Variants in NARF observed in about 807,000 individuals in gnomAD.
The protein encoded by NARF is nuclear prelamin A recognition factor.
In NARF, 41 loss-of-function variants were observed where a neutral mutation model predicts 48.0. The ratio of observed to expected loss-of-function variants is 0.85; its 90% confidence interval spans 0.66 to 1.11. NARF has a LOEUF of 1.11. NARF is among the 50% of genes least tolerant of loss of function. The probability of loss-of-function intolerance (pLI) is 0.00; values close to 1 mark genes in which losing one functional copy is unlikely to be tolerated. For missense variants in NARF, 613 were observed against 590.2 expected (o/e 1.04, Z -0.40); for synonymous variants, 215 against 225.5 (o/e 0.95, Z 0.42).
In NARF at chr17:82,466,982, C is replaced by T. The variant is rs185854228; in HGVS notation, c.253-1782C>T. 7.0e-3 allele frequency among the ~76,000 whole-genome samples: 1,061 copies of T among 151,818 alleles called. 6 individuals are homozygous for T. The highest frequency in any genetic ancestry group is 0.01 in the Non-Finnish European group (696 of 67,946). ...TGCTGGGATTACGGGCATAAGCCAC[C>T]GTACCTGGCCTTCTTTTTTTTTTTT... On this transcript the variant is annotated intron_variant, in intron 3 of 10. Coordinates refer to ENST00000309794, the MANE Select transcript of NARF (RefSeq NM_012336.4).
chr17:82,484,655 C>G, intron 8 of NARF, 158 bp from the exon 9 acceptor site: 1 of 873,626 alleles, frequency 1.1e-6, no homozygotes, highest in Non-Finnish European at 1.6e-6. Context: ...CCTCAAGATG[C>G]TAGAATGGGA....
Position 82,488,234 on chromosome 17 carries a change from T to C in NARF, c.*77T>C, listed in dbSNP as rs1030268153. On this transcript the variant is annotated 3_prime_UTR_variant, in exon 11 of 11. Transcript: ENST00000309794. ...CAGTAGAGGGAGGGGCTGCCCTGAG[T>C]GGAGTATTAAAGACACTTAAGAAAA... is the stretch of plus-strand genomic sequence containing the variant. 17 of 1,554,002 alleles carry C rather than the reference T, an allele frequency of 1.1e-5. No homozygotes were observed. The highest frequency in any genetic ancestry group is 2.7e-5 in the African/African-American group (2 of 73,160).
chr17:82,458,453 G>A (rs999711854), upstream of NARF: 4 of 260,154 alleles, frequency 1.5e-5, no homozygotes, highest in Non-Finnish European at 2.9e-5. Context: ...CGCCGCCGCC[G>A]CCGCAGGACC....
intron 4 of NARF, 112 bp from the exon 5 acceptor site, chr17:82,472,452 C>G: frequency 7.8e-7 from 1 of 1,282,634 alleles, no homozygotes; most frequent in Non-Finnish European, 1.0e-6. Context: ...CCACTGCACT[C>G]TAGCCTGGGT....
In NARF at chr17:82,481,084, C is replaced by A. The variant is rs897760251; in HGVS notation, c.642C>A (p.Asn214Lys). 5.6e-6 allele frequency: 9 copies of A among 1,613,986 alleles called. No individual in the cohort carries two copies. The highest frequency in any genetic ancestry group is 6.8e-6 in the Non-Finnish European group (8 of 1,180,014). ...LVKDYFARQQNLSPEKIFHVI... is the reference protein window; with the variant it reads ...LVKDYFARQQKLSPEKIFHVI... ...ATATGGGTGCCCCTCTCCCACAGAA[C>A]CTGTCTCCAGAGAAGATTTTCCACG... Residue 214 changes from asparagine (N) to lysine (K), a missense_variant and splice_region_variant, in exon 7 of 11, where the codon AAC (asparagine) becomes AAA (lysine). Coordinates refer to ENST00000309794, the MANE Select transcript of NARF (RefSeq NM_012336.4).
In NARF at chr17:82,488,336, T is replaced by C; in HGVS notation, c.*179T>C. 1.1e-6 allele frequency: 1 copy of C among 940,498 alleles called. No homozygotes were observed. Among genetic ancestry groups the C allele is most frequent in the Middle Eastern group, 3.4e-4 (1 of 2,952 alleles). The allele number at this position is 940,498 out of a possible 1,614,324, so 58.3% of individuals were successfully genotyped here. A position where few individuals can be genotyped will look rare whatever the true frequency, so the allele number is the denominator to read the frequency against. ...TGGAGGCCCCTCAGGCAGTTTCATGTGGTGCTATCTTCATAATAGGTGTGG... is the reference window on the plus strand; with the variant it reads ...TGGAGGCCCCTCAGGCAGTTTCATGCGGTGCTATCTTCATAATAGGTGTGG... On this transcript the variant is annotated 3_prime_UTR_variant, in exon 11 of 11. Coordinates refer to ENST00000309794, the MANE Select transcript of NARF (RefSeq NM_012336.4).
At chr17:82,481,866 TA>T in intron 7 of NARF, 1 of 352,738 alleles carries the variant, frequency 2.8e-6, no homozygotes, top group South Asian at 2.0e-5. Flanking sequence ...GCGGGTCTCC[TA>T]ATCACAAACC....
At chr17:82,480,620 A>G (rs1029162755) in intron 6 of NARF, 1 of 418,282 alleles carries the variant, frequency 2.4e-6, no homozygotes, top group East Asian at 3.5e-5. Flanking sequence ...CAGACCCACA[A>G]CAGTCCCAGC....
In NARF at chr17:82,488,587, C is replaced by G. The variant is rs547832418; in HGVS notation, c.*430C>G. The G allele has an allele frequency of 6.0e-6, 1 of 166,000 alleles. No individual in the cohort carries two copies. Among genetic ancestry groups the G allele is most frequent in the Non-Finnish European group, 1.3e-5 (1 of 75,058 alleles). 10.3% of individuals were successfully genotyped at this position (166,000 alleles called of 1,614,324 possible). A position where few individuals can be genotyped will look rare whatever the true frequency, so the allele number is the denominator to read the frequency against. ...ATGGGGTTTCACTATGTTGGCCAGG[C>G]TGGTATTGAATTCCTGACCTCCTGA... On this transcript the variant is annotated 3_prime_UTR_variant, in exon 11 of 11. Transcript: ENST00000309794.
intron 2 of NARF, among the ~76,000 whole-genome samples, chr17:82,462,037 C>T (rs1382316072): frequency 6.6e-6 from 1 of 152,158 alleles, no homozygotes; most frequent in African/African-American, 2.4e-5. Flanking sequence ...CTGGTTGTGT[C>T]GTTGTAGACA....
At chr17:82,486,343 G>T (rs8075548) in intron 10 of NARF, among the ~76,000 whole-genome samples, 5,396 of 152,234 alleles carry the variant, frequency 0.035, 308 homozygotes, top group African/African-American at 0.12. Flanking sequence ...TGTGAGTCGG[G>T]GGGGGCACCA....
intron 4 of NARF, among the ~76,000 whole-genome samples, chr17:82,472,237 C>T (rs1195147571): frequency 6.6e-6 from 1 of 152,136 alleles, no homozygotes; most frequent in Non-Finnish European, 1.5e-5. Flanking sequence ...AATTCCAGCA[C>T]TCTGGGAGGC....
At position 82,485,493 on chromosome 17, in the gene NARF, G is replaced by A. The variant is rs1355712056; in HGVS notation, c.972-4G>A. 1.9e-6 allele frequency: 3 copies of A among 1,613,556 alleles called. No homozygotes were observed. The African/African-American group carries it at 4.0e-5, about 22-fold the overall frequency. On this transcript the variant is annotated splice_polypyrimidine_tract_variant and splice_region_variant and intron_variant, in intron 9 of 10. Coordinates refer to ENST00000309794, the MANE Select transcript of NARF (RefSeq NM_012336.4). ...GATCAAAATTCTCTGTGTTCATTTT[G>A]TAGAAACAAAGACTTCCAAGAGGTC... is the stretch of plus-strand genomic sequence containing the variant.
rs560390829 is a variant in NARF at position 82,471,851 on chromosome 17, A to G, written c.386-713A>G. On this transcript the variant is annotated intron_variant, in intron 4 of 10. Coordinates refer to ENST00000309794, the MANE Select transcript of NARF (RefSeq NM_012336.4). ...TACTTTTACTGTACGTTCTACTTTTAAACACATCAAGAACCATCACAGACT... is the reference window on the plus strand; with the variant it reads ...TACTTTTACTGTACGTTCTACTTTTGAACACATCAAGAACCATCACAGACT... Among the ~76,000 whole-genome samples the G allele has an allele frequency of 2.0e-5, 3 of 151,616 alleles. No homozygotes were observed. In the South Asian group the frequency reaches 6.3e-4, roughly 32 times the overall value.
rs1398519588 is a variant in NARF at position 82,489,091 on chromosome 17, A to G, written c.*934A>G. On this transcript the variant is annotated 3_prime_UTR_variant, in exon 11 of 11. Transcript: ENST00000309794. Reference sequence around the variant, plus strand: ...ATCTGGATTTTCAGCTTTTCTTAGAAAAACTGTAGTTTCTGACAACAGTAG... The same window carrying G: ...ATCTGGATTTTCAGCTTTTCTTAGAGAAACTGTAGTTTCTGACAACAGTAG... 6.5e-6 allele frequency: 1 copy of G among 152,892 alleles called. No individual in the cohort carries two copies. The highest frequency in any genetic ancestry group is 1.5e-5 in the Non-Finnish European group (1 of 68,326). The allele number at this position is 152,892 out of a possible 1,614,324, so 9.5% of individuals were successfully genotyped here.
chr17:82,487,813 C>CA, intron 10 of NARF, 103 bp from the exon 11 acceptor site: 2 of 598,184 alleles, frequency 3.3e-6, no homozygotes, highest in South Asian at 3.5e-5. Context: ...ATTTAAAAAT[C>CA]AGCCGGGCAA....
chr17:82,460,166 T>A (rs1198639548), intron 2 of NARF, 94 bp downstream of exon 2: 1 of 1,116,384 alleles, frequency 9.0e-7, no homozygotes, highest in Non-Finnish European at 1.3e-6. Context: ...CATCACTGCT[T>A]TAAAGAAGAC....
chr17:82,466,161 G>C (rs1302556621), intron 3 of NARF, among the ~76,000 whole-genome samples: 1 of 152,176 alleles, frequency 6.6e-6, no homozygotes, highest in Non-Finnish European at 1.5e-5. Context: ...ACTTAATTCT[G>C]TGGTGTCAAC....
chr17:82,476,431 T>C (rs1160567297), intron 5 of NARF, among the ~76,000 whole-genome samples: 2 of 151,084 alleles, frequency 1.3e-5, no homozygotes, highest in Admixed American at 6.6e-5. Context: ...AGTGAGCCAC[T>C]GTGCCCAGCT....
Sources: allele counts gnomAD v4.1 joint callset (sites outside exome capture counted in the v4.1 genomes callset), GRCh38; gene constraint gnomAD v4.1.1; transcripts MANE v1.5; gene names NCBI Gene and HGNC (gene_info 2026-07-23, HGNC 2026-07-21).